The following ROBO2 variants were observed in gnomAD, a reference collection of about 807,000 sequenced individuals.
ROBO2 encodes roundabout guidance receptor 2, also known as roundabout homolog 2.
In ROBO2, 53 loss-of-function variants were observed where a neutral mutation model predicts 160.8. The observed-to-expected ratio is 0.33, with a 90% CI of 0.26 to 0.41. ROBO2 has a LOEUF of 0.41. Ranked by LOEUF, ROBO2 falls within the 10% of genes least tolerant of loss-of-function variation. ROBO2 has a pLI of 1.00. For synonymous variants in ROBO2, 664 were observed against 611.7 expected, an observed-to-expected ratio of 1.09 and a Z score of -1.26; for missense variants, 1,577 against 1,722.4, an observed-to-expected ratio of 0.92 and a Z score of 1.49.
intron 2 of ROBO2, among the ~76,000 whole-genome samples, chr3:76,245,293 A>G (rs146534251): frequency 0.022 from 3,290 of 152,308 alleles, 64 homozygotes; most frequent in Non-Finnish European, 0.037. Context: ...GCAGCGCCCA[A>G]TACCTATTTT....
chr3:76,059,837 G>A (rs1274203491), intron 2 of ROBO2, among the ~76,000 whole-genome samples: 1 of 152,120 alleles, frequency 6.6e-6, no homozygotes, highest in Non-Finnish European at 1.5e-5. Flanking sequence ...TAAGGTGTGA[G>A]GAAAGGATCC....
At chr3:77,023,981 C>T (rs1578327378) in intron 2 of ROBO2, among the ~76,000 whole-genome samples, 1 of 152,116 alleles carries the variant, frequency 6.6e-6, no homozygotes, top group Non-Finnish European at 1.5e-5. Flanking sequence ...AATTTAAATG[C>T]TTCAAGTATA....
intron 2 of ROBO2, among the ~76,000 whole-genome samples, chr3:76,550,609 A>C (rs1045568288): frequency 6.6e-6 from 1 of 152,134 alleles, no homozygotes; most frequent in African/African-American, 2.4e-5. Context: ...CTGTCCAGCC[A>C]CAGCTCCAGA....
At chr3:76,540,393 C>G (rs565269597) in intron 2 of ROBO2, among the ~76,000 whole-genome samples, 1 of 152,126 alleles carries the variant, frequency 6.6e-6, no homozygotes, top group Non-Finnish European at 1.5e-5. Flanking sequence ...TTTTTGTGAA[C>G]CTAGTAGTGG....
At chr3:76,329,265 C>T (rs925745315) in intron 2 of ROBO2, among the ~76,000 whole-genome samples, 1 of 152,172 alleles carries the variant, frequency 6.6e-6, no homozygotes, top group Non-Finnish European at 1.5e-5. Context: ...GTGGTCCAGG[C>T]TGCAGTGCAG....
intron 10 of ROBO2, 24 bp from the exon 12 acceptor site, chr3:77,563,143 G>A: frequency 6.2e-6 from 10 of 1,611,982 alleles, no homozygotes; most frequent in Non-Finnish European, 8.5e-6. Flanking sequence ...CAGGAATGAA[G>A]TTTTTTCTGT....
chr3:77,218,062 C>T (rs1479303973), intron 2 of ROBO2, among the ~76,000 whole-genome samples: 1 of 152,110 alleles, frequency 6.6e-6, no homozygotes, highest in Non-Finnish European at 1.5e-5. Context: ...ATATGCATTT[C>T]CCAAATCCCA....
chr3:77,507,866 T>C (rs1452650876), intron 5 of ROBO2, among the ~76,000 whole-genome samples: 1 of 152,044 alleles, frequency 6.6e-6, no homozygotes, highest in African/African-American at 2.4e-5. Flanking sequence ...TTATTGAAAA[T>C]AATACCTGCA....
intron 2 of ROBO2, among the ~76,000 whole-genome samples, chr3:75,992,282 G>T (rs1315306903): frequency 1.3e-5 from 2 of 152,232 alleles, no homozygotes; most frequent in Admixed American, 6.5e-5. Flanking sequence ...TGGTTTCATG[G>T]GTGGAGCTCA....
intron 2 of ROBO2, among the ~76,000 whole-genome samples, chr3:77,337,229 T>G (rs2066583086): frequency 6.6e-6 from 1 of 152,170 alleles, no homozygotes. Flanking sequence ...TATCTTTTTG[T>G]TCTTTTAAAA....
At chr3:76,021,633 AT>A (rs1298920987) in intron 2 of ROBO2, among the ~76,000 whole-genome samples, 1 of 151,872 alleles carries the variant, frequency 6.6e-6, no homozygotes, top group Non-Finnish European at 1.5e-5. Context: ...AAAAAAGTTC[AT>A]GTTTACATTA....
intron 5 of ROBO2, among the ~76,000 whole-genome samples, chr3:77,512,773 AG>A (rs1417243367): frequency 6.6e-6 from 1 of 151,950 alleles, no homozygotes; most frequent in African/African-American, 2.4e-5. Context: ...ATTTGAATTG[AG>A]TGGAAGTGTT....
At chr3:76,181,639 A>G (rs1701507877) in intron 2 of ROBO2, among the ~76,000 whole-genome samples, 1 of 152,182 alleles carries the variant, frequency 6.6e-6, no homozygotes. Context: ...AATTACTAAG[A>G]TTCCACTGCA....
At chr3:77,058,998 ACTTT>A (rs2066025040) in intron 1 of ROBO2, among the ~76,000 whole-genome samples, 1 of 152,162 alleles carries the variant, frequency 6.6e-6, no homozygotes, top group Admixed American at 6.5e-5. Context: ...GTGAGTTTTT[ACTTT>A]GGTGAGAAAG....
intron 2 of ROBO2, among the ~76,000 whole-genome samples, chr3:76,272,982 A>ATT (rs1453162512): frequency 1.1e-5 from 1 of 88,842 alleles, no homozygotes; most frequent in African/African-American, 4.5e-5. Flanking sequence ...AATATATATA[A>ATT]TATATAATAT....
At chr3:76,036,396 T>C (rs2107738305) in intron 2 of ROBO2, among the ~76,000 whole-genome samples, 1 of 151,294 alleles carries the variant, frequency 6.6e-6, no homozygotes, top group South Asian at 2.1e-4. Flanking sequence ...GTGATCTGCC[T>C]GCCTTGGCCT....
chr3:75,989,742 C>T (rs2065512895), intron 2 of ROBO2, among the ~76,000 whole-genome samples: 1 of 152,152 alleles, frequency 6.6e-6, no homozygotes, highest in African/African-American at 2.4e-5. Context: ...TGAAGCTGAC[C>T]TGCAAAACTC....
At chr3:76,008,278 A>G (rs1037489279) in intron 2 of ROBO2, among the ~76,000 whole-genome samples, 3 of 151,472 alleles carry the variant, frequency 2.0e-5, no homozygotes, top group African/African-American at 7.3e-5. Context: ...AATCGCTGCT[A>G]AATATATTTC....
In ROBO2 at chr3:76,214,849, C is replaced by T. The variant is rs138593162; in HGVS notation, c.109+277247C>T. On this transcript the variant is annotated intron_variant, in intron 2 of 26. Coordinates refer to the ROBO2 transcript ENST00000487694. ...CAGCACGCAGCTGGAGATCTGAGAA[C>T]GGGCAGACTGCCTCCTCAAGTGGGT... is the stretch of plus-strand genomic sequence containing the variant. Among the ~76,000 whole-genome samples the T allele has an allele frequency of 7.2e-5, 11 of 152,312 alleles. No homozygotes were observed. The East Asian group carries it at 9.7e-4, about 13-fold the overall frequency.
Sources: gnomAD v4.1 joint callset for allele counts (sites outside exome capture counted in the v4.1 genomes callset) on GRCh38, gnomAD v4.1.1 for gene constraint, MANE v1.5 for transcripts, NCBI Gene and HGNC (gene_info 2026-07-23, HGNC 2026-07-21) for gene names.